IGF2BP3: variants seen among roughly 807,000 people sequenced by gnomAD.
The protein encoded by IGF2BP3 is insulin-like growth factor 2 mRNA-binding protein 3.
A neutral mutation model predicts 73.8 loss-of-function variants in IGF2BP3; 9 were observed. The ratio of observed to expected loss-of-function variants is 0.12; its 90% CI spans 0.07 to 0.21. IGF2BP3 has a LOEUF of 0.21. Among genes scored for constraint, IGF2BP3 ranks in the 10% least tolerant of loss-of-function variants. IGF2BP3 has a pLI of 1.00. For missense variants in IGF2BP3, 542 were observed against 714.0 expected, an observed-to-expected ratio of 0.76 and a Z score of 2.75; for synonymous variants, 258 against 256.7, an observed-to-expected ratio of 1.01 and a Z score of -0.05.
intron 3 of IGF2BP3, among the ~76,000 whole-genome samples, chr7:23,400,960 A>C (rs535851943): frequency 1.3e-5 from 2 of 152,152 alleles, no homozygotes; most frequent in East Asian, 3.9e-4. Flanking sequence ...CCACCACACA[A>C]GGCTAATTTT....
intron 3 of IGF2BP3, among the ~76,000 whole-genome samples, chr7:23,364,881 T>G (rs1486339844): frequency 2.6e-5 from 4 of 151,046 alleles, no homozygotes; most frequent in Admixed American, 6.6e-5. Flanking sequence ...AATATAGCTT[T>G]TAGGACCAGA....
Position 23,312,168 on chromosome 7 carries a change from C to A in IGF2BP3, c.*194G>T. ...GTTTGTTTGTTTTAAAGCTGGGTGT[C>A]ATACATTTCAGAGAGCATAAAGTAT... On this transcript the variant is annotated 3_prime_UTR_variant, in exon 15 of 15. Transcript: ENST00000258729. 5.5e-6 allele frequency: 2 copies of A among 364,068 alleles called. No homozygotes were observed. The highest frequency in any genetic ancestry group is 1.0e-5 in the Non-Finnish European group (2 of 195,426). The allele number at this position is 364,068 out of a possible 1,614,324, so 22.6% of individuals were successfully genotyped here. A position where few individuals can be genotyped will look rare whatever the true frequency, so the allele number is the denominator to read the frequency against.
intron 2 of IGF2BP3, among the ~76,000 whole-genome samples, chr7:23,453,050 T>C (rs558102078): frequency 2.0e-5 from 3 of 151,546 alleles, no homozygotes; most frequent in South Asian, 4.2e-4. Flanking sequence ...GCGGAGGTTG[T>C]AGCGAGCAGA....
At chr7:23,468,459 G>C in intron 2 of IGF2BP3, 23 bp downstream of exon 2, 2 of 1,613,628 alleles carry the variant, frequency 1.2e-6, no homozygotes, top group Non-Finnish European at 1.7e-6. Context: ...ACAGAATCGG[G>C]GCAAACAGAA....
At chr7:23,455,027 T>C (rs111544235) in intron 2 of IGF2BP3, among the ~76,000 whole-genome samples, 2 of 152,318 alleles carry the variant, frequency 1.3e-5, no homozygotes, top group African/African-American at 2.4e-5. Context: ...TTTGGGAGCA[T>C]AGCCAGACCC....
chr7:23,384,206 T>G (rs1352995791), intron 3 of IGF2BP3, among the ~76,000 whole-genome samples: 2 of 151,706 alleles, frequency 1.3e-5, no homozygotes, highest in Admixed American at 6.6e-5. Flanking sequence ...GACCACATAT[T>G]ATATGACTGC....
chr7:23,321,697 TG>T (rs1217953901), intron 10 of IGF2BP3, among the ~76,000 whole-genome samples: 1 of 152,186 alleles, frequency 6.6e-6, no homozygotes, highest in Non-Finnish European at 1.5e-5. Context: ...AAGAGAGCAG[TG>T]GTTCTCCCAG....
intron 12 of IGF2BP3, among the ~76,000 whole-genome samples, chr7:23,315,481 T>C (rs1202728385): frequency 6.6e-6 from 1 of 152,204 alleles, no homozygotes; most frequent in Non-Finnish European, 1.5e-5. Context: ...ACCTATTATA[T>C]ATAAACAACC....
In IGF2BP3 at chr7:23,369,990, C is replaced by A. The variant is rs531560916; in HGVS notation, c.286-8249G>T. On this transcript the variant is annotated intron_variant, in intron 3 of 14. Transcript: ENST00000258729. ...GTAGCCTAACACTCCATGACTATAT[C>A]CTCCTGCCAGCAGTTACTACCCTTC... Among the ~76,000 whole-genome samples the A allele has an allele frequency of 5.9e-5, 9 of 152,312 alleles. No individual in the cohort carries two copies. In the South Asian group the frequency reaches 1.9e-3, roughly 32 times the overall value.
At position 23,310,853 on chromosome 7, in the gene IGF2BP3, AC is replaced by A. The variant is rs1783806247; in HGVS notation, c.*1508del. 1 of 152,134 alleles carries A rather than the reference AC, an allele frequency of 6.6e-6. No individual in the cohort carries two copies. The highest frequency in any genetic ancestry group is 6.6e-5 in the Admixed American group (1 of 15,254). 9.4% of individuals were successfully genotyped at this position (152,134 alleles called of 1,614,324 possible). ...AGTGTAACATGACTGTGATCATCTTACAAACAAAACTCAAAAAATCAATTCA... is the reference window on the plus strand; with the variant it reads ...AGTGTAACATGACTGTGATCATCTTAAAACAAAACTCAAAAAATCAATTCA... On this transcript the variant is annotated 3_prime_UTR_variant, in exon 15 of 15. Coordinates refer to ENST00000258729, the MANE Select transcript of IGF2BP3 (RefSeq NM_006547.3).
intron 3 of IGF2BP3, among the ~76,000 whole-genome samples, chr7:23,404,572 T>C (rs1198680564): frequency 6.6e-6 from 1 of 152,100 alleles, no homozygotes; most frequent in Non-Finnish European, 1.5e-5. Context: ...GTCTACCAGA[T>C]TGGAATAAAA....
At chr7:23,418,857 A>G in intron 2 of IGF2BP3, 33 bp from the exon 3 acceptor site, 1 of 1,440,910 alleles carries the variant, frequency 6.9e-7, no homozygotes. Flanking sequence ...TTTAAAAGAA[A>G]AAAACATAAA....
At chr7:23,373,213 C>G (rs1490540519) in intron 3 of IGF2BP3, among the ~76,000 whole-genome samples, 1 of 152,182 alleles carries the variant, frequency 6.6e-6, no homozygotes, top group Admixed American at 6.5e-5. Context: ...GAAGAAGGTA[C>G]TAGCCAGCAT....
intron 2 of IGF2BP3, among the ~76,000 whole-genome samples, chr7:23,454,837 A>G (rs1788278820): frequency 6.6e-6 from 1 of 152,248 alleles, no homozygotes; most frequent in Non-Finnish European, 1.5e-5. Flanking sequence ...GTCTTTAACA[A>G]AAATCATATA....
chr7:23,327,312 G>C (rs1243814183), intron 10 of IGF2BP3, among the ~76,000 whole-genome samples: 1 of 135,198 alleles, frequency 7.4e-6, no homozygotes, highest in African/African-American at 2.8e-5. Context: ...ACGGAGTCTC[G>C]CTCTGTGGCC....
At chr7:23,403,695 C>T (rs529209011) in intron 3 of IGF2BP3, among the ~76,000 whole-genome samples, 2 of 152,168 alleles carry the variant, frequency 1.3e-5, no homozygotes, top group African/African-American at 4.8e-5. Flanking sequence ...CCTAATTCAG[C>T]CAATGGTAGC....
intron 10 of IGF2BP3, among the ~76,000 whole-genome samples, chr7:23,327,977 C>G (rs985774666): frequency 6.6e-6 from 1 of 152,136 alleles, no homozygotes. Flanking sequence ...GGAGGCCATT[C>G]CGTAGGTCAC....
chr7:23,438,282 T>A (rs1008541966), intron 2 of IGF2BP3, among the ~76,000 whole-genome samples: 1 of 152,132 alleles, frequency 6.6e-6, no homozygotes, highest in Non-Finnish European at 1.5e-5. Context: ...CCTGGCTAAT[T>A]TTTGTATTTT....
At chr7:23,350,673 C>A (rs1300611346) in intron 6 of IGF2BP3, among the ~76,000 whole-genome samples, 1 of 144,162 alleles carries the variant, frequency 6.9e-6, no homozygotes, top group East Asian at 1.9e-4. Flanking sequence ...GTAGCAGGGC[C>A]CTGGCCTTGG....
Sources: allele counts gnomAD v4.1 joint callset (sites outside exome capture counted in the v4.1 genomes callset), GRCh38; gene constraint gnomAD v4.1.1; transcripts MANE v1.5; gene names NCBI Gene and HGNC (gene_info 2026-07-23, HGNC 2026-07-21).